The following SPRY3 variants were observed in gnomAD, a reference collection of about 807,000 sequenced individuals.
SPRY3 encodes the protein sprouty RTK signaling antagonist 3, also known as protein sprouty homolog 3.
In SPRY3, 15 loss-of-function variants were observed where a neutral mutation model predicts 20.2. The observed-to-expected ratio is 0.74, with a 90% CI of 0.50 to 1.14. The LOEUF (loss-of-function observed/expected upper bound fraction) is 1.14, where lower values mean the gene tolerates loss of function less well. SPRY3 is among the 50% of genes most tolerant of loss of function. The probability of loss-of-function intolerance (pLI) is 0.00; values close to 1 mark genes in which losing one functional copy is unlikely to be tolerated. For synonymous variants in SPRY3, 143 were observed against 136.5 expected (o/e 1.05, Z -0.33); for missense variants, 364 against 363.9 (o/e 1.00, Z 0.00).
In SPRY3 at chrX:155,735,980, T is replaced by C. The variant is rs1166459790; in HGVS notation, c.-281-31982T>C. ...TCTCTTAGCATATTGTTTGTTTCCT[T>C]TGAAAAATTTTAAGTGGTTGTCCTA... On this transcript the variant is annotated intron_variant, in intron 2 of 3. Transcript: ENST00000675360. Among the ~76,000 whole-genome samples the C allele has an allele frequency of 3.3e-5, 5 of 152,066 alleles. No homozygotes were observed. The East Asian group carries it at 7.7e-4, about 23-fold the overall frequency.
intron 2 of SPRY3, among the ~76,000 whole-genome samples, chrX:155,676,700 CACA>C (rs2068059556): frequency 8.9e-6 from 1 of 112,137 alleles, no homozygotes; most frequent in South Asian, 3.7e-4. Context: ...AGTTCAAGAT[CACA>C]ACACTGGCAT....
intron 2 of SPRY3, among the ~76,000 whole-genome samples, chrX:155,731,305 A>C (rs1035953672): frequency 3.3e-5 from 5 of 152,150 alleles, no homozygotes; most frequent in Non-Finnish European, 5.9e-5. Context: ...CTGGCATAAA[A>C]GCAGATACGT....
intron 2 of SPRY3, among the ~76,000 whole-genome samples, chrX:155,726,630 T>C (rs2091099514): frequency 1.3e-5 from 2 of 152,184 alleles, no homozygotes; most frequent in Admixed American, 1.3e-4. Context: ...TATGAGAGAC[T>C]AGGATTGCAA....
intron 2 of SPRY3, among the ~76,000 whole-genome samples, chrX:155,747,061 C>T (rs913503314): frequency 2.0e-5 from 3 of 151,834 alleles, no homozygotes; most frequent in Admixed American, 6.6e-5. Flanking sequence ...CCTGAAGTAT[C>T]GCAGAATTTT....
intron 2 of SPRY3, among the ~76,000 whole-genome samples, chrX:155,719,185 G>A (rs1233816735): frequency 1.3e-5 from 2 of 152,088 alleles, no homozygotes; most frequent in African/African-American, 4.8e-5. Flanking sequence ...TAATTGTGAG[G>A]CATTGAGTTT....
intron 2 of SPRY3, among the ~76,000 whole-genome samples, chrX:155,706,504 A>T: frequency 6.6e-6 from 1 of 150,942 alleles, no homozygotes; most frequent in East Asian, 1.9e-4. Context: ...GCTGAGAAAA[A>T]ATCAATAAAG....
At chrX:155,766,644 C>G (rs2091332186) in intron 2 of SPRY3, among the ~76,000 whole-genome samples, 1 of 152,116 alleles carries the variant, frequency 6.6e-6, no homozygotes, top group Non-Finnish European at 1.5e-5. Flanking sequence ...TCTGGATGCC[C>G]AGAAGAAAGA....
At chrX:155,685,674 C>T (rs902744534) in intron 2 of SPRY3, among the ~76,000 whole-genome samples, 1 of 111,574 alleles carries the variant, frequency 9.0e-6, no homozygotes, top group African/African-American at 3.3e-5. Context: ...ATTTGGTTTT[C>T]TTTTCCTATG....
At chrX:155,649,674 G>A (rs186663151) in intron 1 of SPRY3, among the ~76,000 whole-genome samples, 5 of 111,130 alleles carry the variant, frequency 4.5e-5, no homozygotes, top group African/African-American at 1.6e-4. Context: ...TACTAAATGG[G>A]CAAGAGCTGG....
At chrX:155,726,410 A>G (rs975222158) in intron 2 of SPRY3, among the ~76,000 whole-genome samples, 7 of 152,060 alleles carry the variant, frequency 4.6e-5, no homozygotes, top group Non-Finnish European at 8.8e-5. Flanking sequence ...TCTAATATTG[A>G]CAGTGGGGTG....
At chrX:155,773,912 C>T (rs1223798118) in exon 4 of SPRY3, 3 of 1,613,760 alleles carry the variant, frequency 1.9e-6, no homozygotes, top group Admixed American at 3.3e-5. Context: ...CAAATTCTGC[C>T]TATTGAACAG....
intron 1 of SPRY3, among the ~76,000 whole-genome samples, chrX:155,651,814 C>T (rs1382035579): frequency 8.9e-6 from 1 of 111,815 alleles, no homozygotes; most frequent in Non-Finnish European, 1.9e-5. Flanking sequence ...ATGGGGTATC[C>T]ATTCCCTCAA....
chrX:155,759,721 T>A (rs186373257), intron 2 of SPRY3, among the ~76,000 whole-genome samples: 1 of 152,204 alleles, frequency 6.6e-6, no homozygotes, highest in Non-Finnish European at 1.5e-5. Context: ...TACCATATGA[T>A]GACGGCAAAA....
rs186635552 is a variant in SPRY3 at position 155,704,692 on chromosome X, T to C, written c.-282+47667T>C. On this transcript the variant is annotated intron_variant, in intron 2 of 3. Coordinates refer to ENST00000675360, the Ensembl canonical transcript of SPRY3. ...AGCTCAGAGTGCACCAAACATGACT[T>C]TTTAAAAACCAAACAAATTAGGCAT... is the stretch of plus-strand genomic sequence containing the variant. Among the ~76,000 whole-genome samples the C allele has an allele frequency of 4.0e-5, 6 of 151,670 alleles. No individual in the cohort carries two copies. In the South Asian group the frequency reaches 6.2e-4, roughly 16 times the overall value.
At chrX:155,619,928 A>G (rs888213151) in intron 1 of SPRY3, among the ~76,000 whole-genome samples, 8 of 111,761 alleles carry the variant, frequency 7.2e-5, no homozygotes, top group African/African-American at 2.3e-4. Context: ...CAATAAACAT[A>G]TGAAAAGATG....
chrX:155,696,615 C>G (rs921760828), intron 2 of SPRY3, among the ~76,000 whole-genome samples: 1 of 111,274 alleles, frequency 9.0e-6, no homozygotes, highest in Non-Finnish European at 1.9e-5. Context: ...TGTCTAGGCC[C>G]CTTTGTATTG....
chrX:155,658,907 T>G (rs1341182491), intron 2 of SPRY3, among the ~76,000 whole-genome samples: 1 of 111,731 alleles, frequency 9.0e-6, no homozygotes, highest in Non-Finnish European at 1.9e-5. Flanking sequence ...GTACTAAATT[T>G]TATCAAATGC....
intron 1 of SPRY3, among the ~76,000 whole-genome samples, chrX:155,625,161 A>G (rs2067884306): frequency 9.0e-6 from 1 of 111,658 alleles, no homozygotes; most frequent in Admixed American, 9.5e-5. Context: ...TATGAGGTAC[A>G]ATGTGATGCT....
chrX:155,703,963 A>C (rs1209430438), intron 2 of SPRY3, among the ~76,000 whole-genome samples: 1 of 151,888 alleles, frequency 6.6e-6, no homozygotes, highest in Non-Finnish European at 1.5e-5. Context: ...AATATATCTC[A>C]AATTGAGCCT....
Sources: gnomAD v4.1 joint callset for allele counts (sites outside exome capture counted in the v4.1 genomes callset) on GRCh38, gnomAD v4.1.1 for gene constraint, MANE v1.5 for transcripts, NCBI Gene and HGNC (gene_info 2026-07-23, HGNC 2026-07-21) for gene names.